ULK3: variants seen among roughly 807,000 people sequenced by gnomAD.
The protein encoded by ULK3 is serine/threonine-protein kinase ULK3.
Under a neutral mutation model 69.4 loss-of-function variants are expected in ULK3, and 54 were observed. The observed-to-expected ratio is 0.78, with a 90% CI of 0.63 to 0.98. The LOEUF is 0.98. Ranked by LOEUF, ULK3 falls within the 50% of genes least tolerant of loss-of-function variation. The pLI is 0.00. For missense variants in ULK3, 558 were observed against 627.7 expected (o/e 0.89, Z 1.19); for synonymous variants, 240 against 254.5 (o/e 0.94, Z 0.54).
Position 74,836,903 on chromosome 15 carries a change from G to A in ULK3, c.*325C>T, listed in dbSNP as rs985153023. On this transcript the variant is annotated 3_prime_UTR_variant, in exon 16 of 16. Coordinates refer to ENST00000440863, the MANE Select transcript of ULK3 (RefSeq NM_001099436.4). The surrounding 1 kb of genome is among the most constrained non-coding windows in gnomAD (Gnocchi z 4.0). ...GGGGGCCCCTTGCCCTCTTCTCGGA[G>A]CCAAAAATGATAGAGGGCTGCATGC... 47 of 273,760 alleles carry A rather than the reference G, an allele frequency of 1.7e-4. No homozygotes were observed. Among genetic ancestry groups the A allele is most frequent in the African/African-American group, 8.5e-4 (39 of 45,864 alleles). 17.0% of individuals were successfully genotyped at this position (273,760 alleles called of 1,614,324 possible). A position where few individuals can be genotyped will look rare whatever the true frequency, so the allele number is the denominator to read the frequency against.
chr15:74,841,163 G>A (rs893089388), intron 4 of ULK3, among the ~76,000 whole-genome samples: 8 of 152,290 alleles, frequency 5.3e-5, no homozygotes, highest in Non-Finnish European at 1.0e-4. Context: ...GACACACAGT[G>A]AGTCCCAACT....
In ULK3 at chr15:74,842,598, C is replaced by G; in HGVS notation, c.103-178G>C. ...GTGAGGCCAGTGAGGAATGCTGATT[C>G]TGGAATCCTGGCTTCCCGACACAGC... On this transcript the variant is annotated intron_variant, in intron 1 of 15. Transcript: ENST00000440863. This position sits in a 1 kb window ranked among gnomAD's most constrained non-coding sequence, Gnocchi z 4.9. 6.4e-7 allele frequency: 1 copy of G among 1,550,414 alleles called. No individual in the cohort carries two copies. Among genetic ancestry groups the G allele is most frequent in the Non-Finnish European group, 8.7e-7 (1 of 1,155,554 alleles).
Position 74,838,355 on chromosome 15 carries a change from A to G in ULK3, c.1168-11T>C. On this transcript the variant is annotated splice_polypyrimidine_tract_variant and intron_variant, in intron 11 of 15. Transcript: ENST00000440863. ...GCCGGCGGCCTCCTCCTGCAGCCAC[A>G]AGGACACCAGGCTGCTTAGGGTCAT... The G allele has an allele frequency of 1.9e-6, 3 of 1,568,472 alleles. No homozygotes were observed. Among genetic ancestry groups the G allele is most frequent in the Middle Eastern group, 1.7e-4 (1 of 6,002 alleles).
chr15:74,842,249 CT>C lies in ULK3; in HGVS notation c.243+30del. The stretch of plus-strand genomic sequence containing the variant: ...AAGAGAGTGTCCCTTCTCCAGCTCC[CT>C]TTGGCAGCGGCCCCGCCCCAGGCTC... On this transcript the variant is annotated intron_variant, in intron 2 of 15. Transcript: ENST00000440863. The surrounding 1 kb of genome is among the most constrained non-coding windows in gnomAD (Gnocchi z 4.9). 1.2e-6 allele frequency: 2 copies of C among 1,613,930 alleles called. No homozygotes were observed. The highest frequency in any genetic ancestry group is 1.7e-6 in the Non-Finnish European group (2 of 1,179,832).
rs1172801062 is a variant in ULK3 at position 74,840,574 on chromosome 15, G to A, written c.537C>T (p.Tyr179=). 3 of 1,609,176 alleles carry A rather than the reference G, an allele frequency of 1.9e-6. No homozygotes were observed. Among genetic ancestry groups the A allele is most frequent in the African/African-American group, 2.7e-5 (2 of 74,590 alleles). Residue 179 remains tyrosine (Y), a synonymous_variant, in exon 5 of 16, where the codon TAC becomes TAT. Coordinates refer to ENST00000440863, the MANE Select transcript of ULK3 (RefSeq NM_001099436.4). ...GCTGGCACACCATCTCGGGGGCCAT[G>A]TAGAGGGGGGAGCCACGGAGCACGT... is the stretch of plus-strand genomic sequence containing the variant. ...EKHVLRGSPL[Y]MAPEMVCQRQ... is the part of the protein sequence containing the mutation.
In ULK3 at chr15:74,838,249, T is replaced by C; in HGVS notation, c.1246+17A>G. On this transcript the variant is annotated intron_variant, in intron 12 of 15. Coordinates refer to ENST00000440863, the MANE Select transcript of ULK3 (RefSeq NM_001099436.4). ...GTGGCCAGAGGCCCTGTGGGGGGCA[T>C]AAATGGGGGCCCTCACCTGCCAGCA... The C allele has an allele frequency of 1.3e-6, 2 of 1,562,782 alleles. No homozygotes were observed. The highest frequency in any genetic ancestry group is 8.7e-7 in the Non-Finnish European group (1 of 1,153,852).
chr15:74,839,766 C>A, intron 6 of ULK3, 53 bp from the exon 7 acceptor site: 1 of 1,471,076 alleles, frequency 6.8e-7, no homozygotes, highest in Non-Finnish European at 9.0e-7. Context: ...TCCACCCCTA[C>A]CCCTAGCCCA....
intron 4 of ULK3, among the ~76,000 whole-genome samples, chr15:74,841,133 C>T (rs2064231483): frequency 6.6e-6 from 1 of 152,186 alleles, no homozygotes; most frequent in Admixed American, 6.5e-5. Context: ...GCACTGTTCC[C>T]AGATTGACCC....
Position 74,842,341 on chromosome 15 carries a change from G to A in ULK3, c.182C>T (p.Thr61Met), listed in dbSNP as rs968494066. The change falls in exon 2 of 16, where the codon ACG becomes ATG. Residue 61 changes from threonine (T) to methionine (M), a missense_variant. Transcript: ENST00000440863. The surrounding 1 kb of genome is among the most constrained non-coding windows in gnomAD (Gnocchi z 4.9). ...AATGCCCTTGAGGATCTCAATCTCCGTGAGGAGGTTCTCCACCGATGCCTT... is the reference window on the plus strand; with the variant it reads ...AATGCCCTTGAGGATCTCAATCTCCATGAGGAGGTTCTCCACCGATGCCTT... ...LNKASVENLL[T>M]EIEILKGIRH... is the part of the protein sequence containing the mutation. 3.7e-6 allele frequency: 6 copies of A among 1,613,894 alleles called. No individual in the cohort carries two copies. The highest frequency in any genetic ancestry group is 2.2e-5 in the South Asian group (2 of 91,094).
At chr15:74,838,093 G>A (rs929540500) in intron 13 of ULK3, 59 bp downstream of exon 13, 1 of 1,546,246 alleles carries the variant, frequency 6.5e-7, no homozygotes, top group South Asian at 1.2e-5. Flanking sequence ...GGTCCCCACA[G>A]GTAAGAGCAG....
Position 74,840,336 on chromosome 15 carries a change from C to A in ULK3, c.614-20G>T, listed in dbSNP as rs753533174. 1 of 1,601,910 alleles carries A rather than the reference C, an allele frequency of 6.2e-7. No homozygotes were observed. Among genetic ancestry groups the A allele is most frequent in the Non-Finnish European group, 8.5e-7 (1 of 1,174,618 alleles). On this transcript the variant is annotated intron_variant, in intron 5 of 15. Coordinates refer to ENST00000440863, the MANE Select transcript of ULK3 (RefSeq NM_001099436.4). Reference sequence around the variant, plus strand: ...GGGCTTCTGTGGAAGGGAGGCAGAGCGGAGGCTGGGAGGGAATGGGTCAAG... The same window carrying A: ...GGGCTTCTGTGGAAGGGAGGCAGAGAGGAGGCTGGGAGGGAATGGGTCAAG...
chr15:74,838,139 G>A lies in ULK3; in HGVS notation c.1287+13C>T, dbSNP rs752383529. 1.9e-6 allele frequency: 3 copies of A among 1,553,422 alleles called. No individual in the cohort carries two copies. Among genetic ancestry groups the A allele is most frequent in the Non-Finnish European group, 2.6e-6 (3 of 1,149,032 alleles). ...AGAGGAAGCCCCCCAACCCTCTCAA[G>A]CTCAGTGGGCACCTCAGTGTGAAGC... is the stretch of plus-strand genomic sequence containing the variant. On this transcript the variant is annotated intron_variant, in intron 13 of 15. Transcript: ENST00000440863.
In ULK3 at chr15:74,842,020, G is replaced by A. The variant is rs548935336; in HGVS notation, c.364+55C>T. Reference sequence around the variant, plus strand: ...TCTAAGCCTGGGGGAGGGGTGGGATGGTGGGGGGCAGAGAACAAGGGACAG... The same window carrying A: ...TCTAAGCCTGGGGGAGGGGTGGGATAGTGGGGGGCAGAGAACAAGGGACAG... On this transcript the variant is annotated intron_variant, in intron 3 of 15. Transcript: ENST00000440863. The surrounding 1 kb of genome is among the most constrained non-coding windows in gnomAD (Gnocchi z 4.9). 67 of 1,609,458 alleles carry A rather than the reference G, an allele frequency of 4.2e-5. No homozygotes were observed. Among genetic ancestry groups the A allele is most frequent in the Non-Finnish European group, 5.6e-5 (66 of 1,178,114 alleles).
chr15:74,837,520 CGGG>C (rs2064059127), intron 14 of ULK3, 85 bp from the exon 15 acceptor site: 1 of 810,334 alleles, frequency 1.2e-6, no homozygotes, highest in Non-Finnish European at 1.7e-6. Context: ...GAGTGAAGGA[CGGG>C]GACACGAGCC....
Position 74,840,336 on chromosome 15 carries a change from C to G in ULK3, c.614-20G>C. The G allele has an allele frequency of 6.2e-7, 1 of 1,601,910 alleles. No homozygotes were observed. Among genetic ancestry groups the G allele is most frequent in the Non-Finnish European group, 8.5e-7 (1 of 1,174,618 alleles). On this transcript the variant is annotated intron_variant, in intron 5 of 15. Coordinates refer to ENST00000440863, the MANE Select transcript of ULK3 (RefSeq NM_001099436.4). The stretch of plus-strand genomic sequence containing the variant: ...GGGCTTCTGTGGAAGGGAGGCAGAG[C>G]GGAGGCTGGGAGGGAATGGGTCAAG...
rs1339362924 is a variant in ULK3, at chr15:74,839,036, G to A, written c.973C>T (p.Gln325Ter). 1.2e-6 allele frequency: 2 copies of A among 1,605,006 alleles called. No individual in the cohort carries two copies. Among genetic ancestry groups the A allele is most frequent in the Non-Finnish European group, 8.5e-7 (1 of 1,176,072 alleles). ...TTTGCCTTAATTGCCTCCTTCCGCT[G>A]GGCATCCACTTCATCTGCAGAAAGT... ...VPALHYEVDA[Q>*]RKEAIKAKVG... is the part of the protein sequence containing the mutation. Residue 325 changes from glutamine to a stop codon, truncating the protein, a stop_gained, in exon 9 of 16, where the codon CAG becomes TAG. Coordinates refer to ENST00000440863, the MANE Select transcript of ULK3 (RefSeq NM_001099436.4). LOFTEE classifies it high-confidence loss of function.
rs761758970 is a variant in ULK3 at position 74,840,739 on chromosome 15, C to T, written c.470-98G>A. 131 of 1,427,664 alleles carry T rather than the reference C, an allele frequency of 9.2e-5. 1 individual carries two copies. Among genetic ancestry groups the T allele is most frequent in the Middle Eastern group, 2.5e-4 (1 of 3,938 alleles). 88.4% of individuals were successfully genotyped at this position (1,427,664 alleles called of 1,614,324 possible). ...CAGGCTCCTCTCCACCCTCCAGACC[C>T]GCCAGGATCAACCCTATTTCCAAGC... On this transcript the variant is annotated intron_variant, in intron 4 of 15. Transcript: ENST00000440863.
chr15:74,837,175 T>C lies in ULK3; in HGVS notation c.*53A>G. 1 of 1,519,122 alleles carries C rather than the reference T, an allele frequency of 6.6e-7. No individual in the cohort carries two copies. 94.1% of individuals were successfully genotyped at this position (1,519,122 alleles called of 1,614,324 possible). On this transcript the variant is annotated 3_prime_UTR_variant, in exon 16 of 16. Coordinates refer to ENST00000440863, the MANE Select transcript of ULK3 (RefSeq NM_001099436.4). The stretch of plus-strand genomic sequence containing the variant: ...ACTTCATTCTTGGCGTCAGCCTGGG[T>C]TAGTGCCCCTCTGCTCCAGATGGCT...
At chr15:74,837,320 A>G in intron 15 of ULK3, 49 bp downstream of exon 15, 1 of 1,612,968 alleles carries the variant, frequency 6.2e-7, no homozygotes, top group African/African-American at 1.3e-5. Flanking sequence ...CAGGGCCCCC[A>G]GCCCTCACCC....
Sources: allele counts gnomAD v4.1 joint callset (sites outside exome capture counted in the v4.1 genomes callset), GRCh38; gene constraint gnomAD v4.1.1; non-coding constraint Gnocchi (gnomAD v3.1); transcripts MANE v1.5; gene names NCBI Gene and HGNC (gene_info 2026-07-23, HGNC 2026-07-21).